SPAG16: variants seen among roughly 807,000 people sequenced by gnomAD.
SPAG16 encodes the protein sperm-associated antigen 16 protein.
In SPAG16, 86 loss-of-function variants were observed where a neutral mutation model predicts 80.4. The ratio of observed to expected loss-of-function variants is 1.07; its 90% CI spans 0.90 to 1.28. The LOEUF is 1.28. Ranked by LOEUF, SPAG16 falls within the 50% of genes most tolerant of loss-of-function variation. The probability of loss-of-function intolerance (pLI) is 0.00; values close to 1 mark genes in which losing one functional copy is unlikely to be tolerated. For synonymous variants in SPAG16, 294 were observed against 265.9 expected, an observed-to-expected ratio of 1.11 and a Z score of -1.03; for missense variants, 870 against 765.3, an observed-to-expected ratio of 1.14 and a Z score of -1.61.
At chr2:214,127,166 C>A (rs748427562) in intron 14 of SPAG16, among the ~76,000 whole-genome samples, 12 of 151,700 alleles carry the variant, frequency 7.9e-5, no homozygotes, top group Non-Finnish European at 1.6e-4. Context: ...CAATCCCTGC[C>A]CTCTGCCTTT....
intron 10 of SPAG16, among the ~76,000 whole-genome samples, chr2:213,697,929 A>AT (rs532943757): frequency 1.2e-3 from 183 of 152,260 alleles, no homozygotes; most frequent in Middle Eastern, 3.4e-3. Context: ...AAGGCTTGTT[A>AT]TTTTTATTAT....
At chr2:214,265,111 G>GTT (rs1691459741) in intron 15 of SPAG16, among the ~76,000 whole-genome samples, 1 of 152,104 alleles carries the variant, frequency 6.6e-6, no homozygotes, top group Admixed American at 6.6e-5. Flanking sequence ...ACTCTTTTGA[G>GTT]TAAACGCTTA....
At chr2:213,446,204 T>TTATAA in intron 9 of SPAG16, among the ~76,000 whole-genome samples, 1 of 152,186 alleles carries the variant, frequency 6.6e-6, no homozygotes, top group Non-Finnish European at 1.5e-5. Flanking sequence ...ATTCTTACCT[T>TTATAA]GAAATAACTG....
chr2:213,857,420 A>G (rs983309449), intron 10 of SPAG16, among the ~76,000 whole-genome samples: 5 of 152,188 alleles, frequency 3.3e-5, no homozygotes, highest in African/African-American at 1.2e-4. Flanking sequence ...TGAAAATCCT[A>G]GGATCTTTAA....
chr2:214,022,128 G>A (rs189816213), intron 13 of SPAG16, among the ~76,000 whole-genome samples: 1 of 151,866 alleles, frequency 6.6e-6, no homozygotes, highest in East Asian at 1.9e-4. Context: ...TGAACTTGGC[G>A]AATGAGACAT....
At position 213,670,001 on chromosome 2, in the gene SPAG16, C is replaced by CT. The variant is rs796432477; in HGVS notation, c.1070+179924dup. On this transcript the variant is annotated intron_variant, in intron 10 of 15. Coordinates refer to ENST00000331683, the MANE Select transcript of SPAG16 (RefSeq NM_024532.5). ...TTTGTTTGGCAAGCATGTTCTAATTCTTTTTTTTTTTTTGAGACAAGAGTT... is the reference window on the plus strand; with the variant it reads ...TTTGTTTGGCAAGCATGTTCTAATTCTTTTTTTTTTTTTTGAGACAAGAGTT... Among the ~76,000 whole-genome samples the CT allele has an allele frequency of 8.8e-3, 1,262 of 143,550 alleles. 11 individuals are homozygous for CT. Among genetic ancestry groups the CT allele is most frequent in the African/African-American group, 0.021 (820 of 39,426 alleles). 94.2% of individuals were successfully genotyped at this position (143,550 alleles called of 152,430 possible).
intron 15 of SPAG16, among the ~76,000 whole-genome samples, chr2:214,155,290 C>T (rs1327019634): frequency 5.3e-5 from 8 of 152,138 alleles, no homozygotes; most frequent in East Asian, 3.8e-4. Flanking sequence ...AATTTGTGTT[C>T]GCACCAACAA....
intron 10 of SPAG16, among the ~76,000 whole-genome samples, chr2:213,815,393 G>A (rs1438037913): frequency 6.6e-6 from 1 of 152,012 alleles, no homozygotes; most frequent in Non-Finnish European, 1.5e-5. Context: ...ATGATTCTAG[G>A]GTAGTTACAG....
rs373381255 is a variant in SPAG16, at chr2:213,297,952, G to A, written c.279+595G>A. ...TTTTATTTTGTACCAACATTAAGAA[G>A]CATGCTTTCTTTCAGTGTTTAACCC... On this transcript the variant is annotated intron_variant, in intron 3 of 15. Transcript: ENST00000331683. Among the ~76,000 whole-genome samples the A allele has an allele frequency of 2.4e-4, 36 of 152,194 alleles. 3 individuals are homozygous for A. In the South Asian group the frequency reaches 7.5e-3, roughly 32 times the overall value.
chr2:214,033,624 A>G (rs2048535316), intron 13 of SPAG16, among the ~76,000 whole-genome samples: 1 of 152,196 alleles, frequency 6.6e-6, no homozygotes, highest in African/African-American at 2.4e-5. Flanking sequence ...CTTACCAAAA[A>G]GTTGTAAGAA....
chr2:214,034,144 C>T (rs778286710), intron 13 of SPAG16, among the ~76,000 whole-genome samples: 27 of 152,190 alleles, frequency 1.8e-4, no homozygotes, highest in Admixed American at 4.6e-4. Flanking sequence ...TCACCTTATG[C>T]AGGTTTCATA....
At chr2:214,143,469 CTCA>C (rs1338453396) in intron 14 of SPAG16, among the ~76,000 whole-genome samples, 2 of 151,978 alleles carry the variant, frequency 1.3e-5, no homozygotes, top group Non-Finnish European at 2.9e-5. Context: ...CACAGTTTGA[CTCA>C]TCATATAGTT....
At chr2:213,638,358 A>G (rs2062451139) in intron 10 of SPAG16, among the ~76,000 whole-genome samples, 1 of 151,886 alleles carries the variant, frequency 6.6e-6, no homozygotes, top group African/African-American at 2.4e-5. Flanking sequence ...TGCTCTTTCA[A>G]ACTTTTTGAT....
chr2:214,125,649 C>A (rs2054437583), intron 14 of SPAG16, among the ~76,000 whole-genome samples: 1 of 151,580 alleles, frequency 6.6e-6, no homozygotes. Context: ...TTTTATAAAT[C>A]AAATTATAGA....
intron 12 of SPAG16, among the ~76,000 whole-genome samples, chr2:213,978,936 G>A (rs2045554630): frequency 6.6e-6 from 1 of 152,060 alleles, no homozygotes; most frequent in Admixed American, 6.6e-5. Context: ...TTATGCTAGG[G>A]GAGCTGGCTT....
At chr2:213,414,662 G>T (rs2069155529) in intron 9 of SPAG16, among the ~76,000 whole-genome samples, 1 of 152,126 alleles carries the variant, frequency 6.6e-6, no homozygotes, top group African/African-American at 2.4e-5. Context: ...TCCCATTCTT[G>T]TGACATACTG....
chr2:213,288,761 A>G (rs143160303), intron 1 of SPAG16, among the ~76,000 whole-genome samples: 107 of 152,226 alleles, frequency 7.0e-4, no homozygotes, highest in East Asian at 1.9e-3. Flanking sequence ...ACATGTGTTA[A>G]CCACTTTTTC....
chr2:213,832,584 A>T (rs2073732736), intron 10 of SPAG16, among the ~76,000 whole-genome samples: 1 of 152,104 alleles, frequency 6.6e-6, no homozygotes, highest in Non-Finnish European at 1.5e-5. Context: ...GAAGACCTTT[A>T]TTCCAGAGGA....
intron 14 of SPAG16, among the ~76,000 whole-genome samples, chr2:214,112,329 G>C (rs2053707427): frequency 6.6e-6 from 1 of 152,112 alleles, no homozygotes; most frequent in South Asian, 2.1e-4. Flanking sequence ...TATTAGGTCT[G>C]CTTGGTGCAG....
Sources: gnomAD v4.1 joint callset for allele counts (sites outside exome capture counted in the v4.1 genomes callset) on GRCh38, gnomAD v4.1.1 for gene constraint, MANE v1.5 for transcripts, NCBI Gene and HGNC (gene_info 2026-07-23, HGNC 2026-07-21) for gene names.